ADAM12: variants seen among roughly 807,000 people sequenced by gnomAD.
The protein encoded by ADAM12 is disintegrin and metalloproteinase domain-containing protein 12.
ADAM12 carries 70 observed loss-of-function variants against 106.4 expected under a neutral mutation model. That is an observed-to-expected ratio of 0.66 (90% CI 0.54 to 0.80). The LOEUF is 0.80. Ranked by LOEUF, ADAM12 falls within the 30% of genes least tolerant of loss-of-function variation. ADAM12 has a pLI of 0.00. For missense variants in ADAM12, 1,010 were observed against 1,171.9 expected, an observed-to-expected ratio of 0.86 and a Z score of 2.02; for synonymous variants, 420 against 433.5, an observed-to-expected ratio of 0.97 and a Z score of 0.39.
chr10:126,050,432 T>A (rs1410976014), intron 14 of ADAM12, among the ~76,000 whole-genome samples: 2 of 152,248 alleles, frequency 1.3e-5, no homozygotes, highest in Non-Finnish European at 2.9e-5. Context: ...TGTTGAAGAC[T>A]ATTGAGCAAG....
At chr10:126,211,544 G>T (rs756668491) in intron 3 of ADAM12, among the ~76,000 whole-genome samples, 2 of 152,102 alleles carry the variant, frequency 1.3e-5, no homozygotes, top group Non-Finnish European at 2.9e-5. Context: ...CCTGGACCAT[G>T]TCATCCTGGA....
At chr10:126,269,002 G>A (rs927562460) in intron 3 of ADAM12, among the ~76,000 whole-genome samples, 3 of 152,168 alleles carry the variant, frequency 2.0e-5, no homozygotes, top group African/African-American at 4.8e-5. Flanking sequence ...CAGCAGCCCC[G>A]AGAACCGCTG....
intron 3 of ADAM12, among the ~76,000 whole-genome samples, chr10:126,191,576 T>A (rs1363618784): frequency 6.6e-6 from 1 of 151,138 alleles, no homozygotes; most frequent in Non-Finnish European, 1.5e-5. Flanking sequence ...ATTCCTAATG[T>A]TCTGGTTTGA....
At chr10:126,105,638 C>G (rs1176063208) in intron 8 of ADAM12, among the ~76,000 whole-genome samples, 1 of 152,238 alleles carries the variant, frequency 6.6e-6, no homozygotes, top group East Asian at 1.9e-4. Context: ...GTGTGGGAAT[C>G]AATATTTCCT....
intron 1 of ADAM12, among the ~76,000 whole-genome samples, chr10:126,368,938 A>C (rs1009446240): frequency 1.3e-5 from 2 of 152,166 alleles, no homozygotes; most frequent in African/African-American, 4.8e-5. Context: ...GAACAAGCTA[A>C]AATTAATAGA....
At chr10:126,047,902 T>C (rs2133432787) in intron 16 of ADAM12, among the ~76,000 whole-genome samples, 1 of 152,308 alleles carries the variant, frequency 6.6e-6, no homozygotes, top group East Asian at 1.9e-4. Context: ...TAAACGTCCA[T>C]CAATGATAGA....
intron 21 of ADAM12, 29 bp downstream of exon 21, chr10:126,036,117 A>C: frequency 3.7e-6 from 5 of 1,369,374 alleles, no homozygotes; most frequent in Non-Finnish European, 4.7e-6. Flanking sequence ...TTTGAACTAC[A>C]TCCTATCATA....
In ADAM12 at chr10:126,352,421, T is replaced by TTTAAGATAAATTAAGAAAAA. The variant is rs557231028; in HGVS notation, c.89-21932_89-21913dup. On this transcript the variant is annotated intron_variant, in intron 1 of 22. Transcript: ENST00000448723. ...GCAAAATGTGTATACTGACTTAAAG[T>TTTAAGATAAATTAAGAAAAA]TTAAGATAAATTAAGAAAAATTAAG... 3.9e-5 allele frequency among the ~76,000 whole-genome samples: 6 copies of TTTAAGATAAATTAAGAAAAA among 152,326 alleles called. No individual in the cohort carries two copies. In the East Asian group the frequency reaches 1.2e-3, roughly 29 times the overall value.
At chr10:126,131,787 T>A (rs557478500) in intron 5 of ADAM12, among the ~76,000 whole-genome samples, 6 of 152,310 alleles carry the variant, frequency 3.9e-5, no homozygotes, top group African/African-American at 1.4e-4. Flanking sequence ...GTCTATGGTA[T>A]TTTGCTATGG....
chr10:126,147,520 C>T (rs889721329), intron 4 of ADAM12, among the ~76,000 whole-genome samples: 13 of 152,200 alleles, frequency 8.5e-5, no homozygotes, highest in Admixed American at 3.9e-4. Flanking sequence ...AGGTCCTATA[C>T]GCTATGACTT....
Position 126,066,906 on chromosome 10 carries a change from C to G in ADAM12, c.1324-100G>C. 1 of 1,096,960 alleles carries G rather than the reference C, an allele frequency of 9.1e-7. No homozygotes were observed. The highest frequency in any genetic ancestry group is 2.0e-4 in the Middle Eastern group (1 of 5,068). The allele number at this position is 1,096,960 out of a possible 1,614,324, so 68.0% of individuals were successfully genotyped here. A position where few individuals can be genotyped will look rare whatever the true frequency, so the allele number is the denominator to read the frequency against. Reference sequence around the variant, plus strand: ...AAATGGCTGCAAAAAGCAAGAAAGACCAAGAGGGCCCAGCTCCTGAACTGC... The same window carrying G: ...AAATGGCTGCAAAAAGCAAGAAAGAGCAAGAGGGCCCAGCTCCTGAACTGC... On this transcript the variant is annotated intron_variant, in intron 12 of 22. Transcript: ENST00000448723. This position sits in a 1 kb window ranked among gnomAD's most constrained non-coding sequence, Gnocchi z 5.1.
chr10:126,123,226 C>T (rs536218508), intron 5 of ADAM12, among the ~76,000 whole-genome samples: 1 of 152,308 alleles, frequency 6.6e-6, no homozygotes, highest in Non-Finnish European at 1.5e-5. Flanking sequence ...TTCTGAGATA[C>T]ATTTTGATGT....
At chr10:126,164,828 T>C (rs1009274080) in intron 3 of ADAM12, among the ~76,000 whole-genome samples, 3 of 152,192 alleles carry the variant, frequency 2.0e-5, no homozygotes, top group African/African-American at 7.2e-5. Flanking sequence ...TGGACTATTT[T>C]ATGAAAAGAT....
intron 4 of ADAM12, 61 bp downstream of exon 4, chr10:126,155,166 C>T: frequency 1.3e-6 from 2 of 1,571,470 alleles, no homozygotes; most frequent in Non-Finnish European, 1.7e-6. Flanking sequence ...AAAATGGCTA[C>T]AAAGGTTAAG....
chr10:126,049,788 G>A lies in ADAM12; in HGVS notation c.1610-119C>T. The A allele has an allele frequency of 1.1e-6, 1 of 887,138 alleles. No individual in the cohort carries two copies. The highest frequency in any genetic ancestry group is 1.7e-5 in the South Asian group (1 of 58,954). The allele number at this position is 887,138 out of a possible 1,614,324, so 55.0% of individuals were successfully genotyped here. A position where few individuals can be genotyped will look rare whatever the true frequency, so the allele number is the denominator to read the frequency against. On this transcript the variant is annotated intron_variant, in intron 14 of 22. Coordinates refer to ENST00000448723, the MANE Select transcript of ADAM12 (RefSeq NM_001288973.2). This position sits in a 1 kb window ranked among gnomAD's most constrained non-coding sequence, Gnocchi z 4.4. ...CTCAAAGCAATCACACCCAGTGTCT[G>A]TCCCGACTCATGGTGGGAGCTGGCC... is the stretch of plus-strand genomic sequence containing the variant.
intron 11 of ADAM12, among the ~76,000 whole-genome samples, chr10:126,086,668 A>AT (rs1565045585): frequency 2.1e-5 from 1 of 47,822 alleles, no homozygotes; most frequent in Non-Finnish European, 3.2e-5. Flanking sequence ...AAAAAAAAAA[A>AT]AAAAAAAAAA....
Position 126,014,899 on chromosome 10 carries a change from G to GAAT in ADAM12, c.*2377_*2379dup, listed in dbSNP as rs991853838. On this transcript the variant is annotated 3_prime_UTR_variant, in exon 23 of 23. Transcript: ENST00000448723. ...TTTTTTGTTTTGAGGATATAAAAAA[G>GAAT]AATACTCCACCCCGTGCCTCCCCCA... The GAAT allele has an allele frequency of 6.6e-6, 1 of 151,808 alleles. No individual in the cohort carries two copies. Among genetic ancestry groups the GAAT allele is most frequent in the African/African-American group, 2.4e-5 (1 of 41,300 alleles). 9.4% of individuals were successfully genotyped at this position (151,808 alleles called of 1,614,324 possible). A position where few individuals can be genotyped will look rare whatever the true frequency, so the allele number is the denominator to read the frequency against.
chr10:126,032,518 A>G (rs1252111041), intron 21 of ADAM12, among the ~76,000 whole-genome samples: 1 of 152,222 alleles, frequency 6.6e-6, no homozygotes, highest in Non-Finnish European at 1.5e-5. Context: ...AAATCTTGCA[A>G]GAGTCCCTGC....
intron 3 of ADAM12, 54 bp downstream of exon 3, chr10:126,278,861 T>C (rs1661372067): frequency 1.5e-6 from 2 of 1,354,582 alleles, no homozygotes; most frequent in Middle Eastern, 2.1e-4. Flanking sequence ...AGCACTTTTC[T>C]GTCCATGGTG....
Sources: gnomAD v4.1 joint callset for allele counts (sites outside exome capture counted in the v4.1 genomes callset) on GRCh38, gnomAD v4.1.1 for gene constraint, Gnocchi (gnomAD v3.1) non-coding constraint, MANE v1.5 for transcripts, NCBI Gene and HGNC (gene_info 2026-07-23, HGNC 2026-07-21) for gene names.